Variants in UTRN observed in about 807,000 individuals in gnomAD.
The protein encoded by UTRN is dystrophin-related protein 1.
UTRN carries 283 observed loss-of-function variants against 463.9 expected under a neutral mutation model. That is an observed-to-expected ratio of 0.61 (90% CI 0.55 to 0.67). UTRN has a LOEUF of 0.67. UTRN is among the 30% of genes least tolerant of loss of function. The pLI is 0.00. For synonymous variants in UTRN, 1,442 were observed against 1,431.5 expected, an observed-to-expected ratio of 1.01 and a Z score of -0.17; for missense variants, 3,922 against 4,084.3, an observed-to-expected ratio of 0.96 and a Z score of 1.08.
At chr6:144,407,358 G>C (rs1783511809) in intron 3 of UTRN, among the ~76,000 whole-genome samples, 1 of 152,114 alleles carries the variant, frequency 6.6e-6, no homozygotes, top group Non-Finnish European at 1.5e-5. Flanking sequence ...GGAGAGACAG[G>C]AGTAGAGTTT....
intron 64 of UTRN, 83 bp from the exon 65 acceptor site, chr6:144,802,953 T>C (rs1445935255): frequency 1.0e-6 from 1 of 964,062 alleles, no homozygotes; most frequent in Non-Finnish European, 1.4e-6. Context: ...TTTTTGGTAA[T>C]TCGGATGAAT....
intron 2 of UTRN, among the ~76,000 whole-genome samples, chr6:144,396,566 T>G (rs183966759): frequency 1.3e-5 from 2 of 152,328 alleles, no homozygotes; most frequent in East Asian, 3.9e-4. Context: ...TCTATTAATA[T>G]GCCAAAAACG....
At chr6:144,700,966 G>A (rs753988348) in intron 53 of UTRN, among the ~76,000 whole-genome samples, 1 of 151,548 alleles carries the variant, frequency 6.6e-6, no homozygotes, top group Admixed American at 6.6e-5. Context: ...GAGTGCAGTG[G>A]CATGATCTCA....
chr6:144,530,733 TGTGA>T (rs924212779), intron 41 of UTRN, among the ~76,000 whole-genome samples: 56 of 152,098 alleles, frequency 3.7e-4, no homozygotes, highest in Admixed American at 2.4e-3. Context: ...CGAGTGTGTG[TGTGA>T]GTGTGTTTGT....
chr6:144,474,812 TTC>T, intron 25 of UTRN, 53 bp downstream of exon 25: 1 of 1,564,682 alleles, frequency 6.4e-7, no homozygotes, highest in African/African-American at 1.4e-5. Flanking sequence ...AGACTGTAGC[TTC>T]TCTCAGCTGA....
Position 144,794,003 on chromosome 6 carries a change from G to T in UTRN, c.9078+12G>T. On this transcript the variant is annotated intron_variant, in intron 63 of 74. Transcript: ENST00000367545. ...GCTGCTTCCAACAGGTAAGCATGAA[G>T]GATCACTGGTGTGTAGGATGTGTTG... is the stretch of plus-strand genomic sequence containing the variant. 1 of 1,613,126 alleles carries T rather than the reference G, an allele frequency of 6.2e-7. No individual in the cohort carries two copies. The highest frequency in any genetic ancestry group is 2.2e-5 in the East Asian group (1 of 44,854).
intron 41 of UTRN, among the ~76,000 whole-genome samples, chr6:144,524,890 T>A (rs1796429565): frequency 6.6e-6 from 1 of 152,192 alleles, no homozygotes; most frequent in South Asian, 2.1e-4. Flanking sequence ...TTGCTGAGAA[T>A]TTTAATCATA....
chr6:144,533,386 A>C (rs1585153807), intron 43 of UTRN, 126 bp downstream of exon 43: 1 of 1,434,154 alleles, frequency 7.0e-7, no homozygotes, highest in Non-Finnish European at 9.2e-7. Flanking sequence ...GACATTTAAG[A>C]CCTCCACTGC....
chr6:144,340,453 G>A (rs1434064565), intron 2 of UTRN, among the ~76,000 whole-genome samples: 1 of 152,222 alleles, frequency 6.6e-6, no homozygotes, highest in African/African-American at 2.4e-5. Context: ...ATGCTGCTGG[G>A]TGTATATTTC....
chr6:144,493,511 ATCTCTCTCTCTCTCTCGT>A (rs1793266035), intron 33 of UTRN, 55 bp downstream of exon 33: 1 of 1,385,474 alleles, frequency 7.2e-7, no homozygotes, highest in Non-Finnish European at 9.7e-7. Flanking sequence ...CTCTCTCTCA[ATCTCTCTCTCTCTCTCGT>A]TCTCTCTCAT....
chr6:144,418,205 A>G (rs1371360449), intron 3 of UTRN, among the ~76,000 whole-genome samples: 1 of 138,484 alleles, frequency 7.2e-6, no homozygotes, highest in Non-Finnish European at 1.5e-5. Context: ...AATATGAATA[A>G]ATATTTATAT....
intron 3 of UTRN, among the ~76,000 whole-genome samples, chr6:144,417,671 T>C (rs950929639): frequency 3.3e-5 from 5 of 152,088 alleles, no homozygotes; most frequent in Admixed American, 6.6e-5. Context: ...TTTTGTGACA[T>C]GTGGGAATTA....
At chr6:144,652,730 G>A (rs1360662013) in intron 51 of UTRN, among the ~76,000 whole-genome samples, 1 of 152,202 alleles carries the variant, frequency 6.6e-6, no homozygotes, top group East Asian at 1.9e-4. Flanking sequence ...GTAAGCAGGA[G>A]TTACTAGTTA....
intron 25 of UTRN, among the ~76,000 whole-genome samples, chr6:144,477,869 CTCTA>C (rs34192951): frequency 0.11 from 16,296 of 148,730 alleles, 1,178 homozygotes; most frequent in East Asian, 0.4. Context: ...AAGTTTGTAT[CTCTA>C]TCTATCTATC....
intron 60 of UTRN, among the ~76,000 whole-genome samples, chr6:144,777,054 T>A (rs1326199463): frequency 6.6e-6 from 1 of 152,308 alleles, no homozygotes; most frequent in Middle Eastern, 3.4e-3. Flanking sequence ...TATTAGTTAT[T>A]GTTTGCTTCT....
chr6:144,784,400 G>T (rs1776125213), intron 61 of UTRN, among the ~76,000 whole-genome samples: 1 of 152,224 alleles, frequency 6.6e-6, no homozygotes, highest in Non-Finnish European at 1.5e-5. Context: ...GTCTGCAGAT[G>T]ATCGTCTTCT....
intron 71 of UTRN, chr6:144,838,927 A>G (rs1781324294): frequency 2.6e-6 from 1 of 383,176 alleles, no homozygotes; most frequent in African/African-American, 2.1e-5. Context: ...AAATTGAGGG[A>G]TAAAAATGGT....
At chr6:144,594,617 T>C (rs1803456952) in intron 51 of UTRN, among the ~76,000 whole-genome samples, 1 of 152,210 alleles carries the variant, frequency 6.6e-6, no homozygotes, top group Admixed American at 6.5e-5. Context: ...TTCAAAATAG[T>C]CTTATTGATA....
intron 25 of UTRN, among the ~76,000 whole-genome samples, chr6:144,475,965 A>G (rs112074859): frequency 0.17 from 26,089 of 150,992 alleles, 2,437 homozygotes; most frequent in South Asian, 0.32. Context: ...AGTCCCAGCT[A>G]CTTAGGAGGC....
Sources: allele counts gnomAD v4.1 joint callset (sites outside exome capture counted in the v4.1 genomes callset), GRCh38; gene constraint gnomAD v4.1.1; transcripts MANE v1.5; gene names NCBI Gene and HGNC (gene_info 2026-07-23, HGNC 2026-07-21).